The following TMEM101 variants were observed in gnomAD, a reference collection of about 807,000 sequenced individuals.
TMEM101 encodes the protein transmembrane protein 101, also known as putative NF-kappa-B-activating protein 130.
TMEM101 carries 14 observed loss-of-function variants against 26.0 expected under a neutral mutation model. The observed-to-expected ratio is 0.54, with a 90% CI of 0.36 to 0.84. The LOEUF (loss-of-function observed/expected upper bound fraction) is 0.84, where lower values mean the gene tolerates loss of function less well. TMEM101 is among the 40% of genes least tolerant of loss of function. The pLI is 0.01. For synonymous variants in TMEM101, 152 were observed against 145.1 expected (o/e 1.05, Z -0.34); for missense variants, 292 against 345.1 (o/e 0.85, Z 1.22).
chr17:44,016,758 T>C (rs984380936), upstream of TMEM101, among the ~76,000 whole-genome samples: 3 of 152,208 alleles, frequency 2.0e-5, no homozygotes, highest in African/African-American at 4.8e-5. Flanking sequence ...ACTCCAATGC[T>C]GGGAACCATC....
upstream of TMEM101, chr17:44,019,307 G>A: frequency 4.7e-6 from 2 of 421,066 alleles, no homozygotes; most frequent in Non-Finnish European, 4.7e-6. Flanking sequence ...GTCGGACACT[G>A]CACTCACCAG....
At chr17:44,013,922 G>A (rs2049193605) in intron 2 of TMEM101, among the ~76,000 whole-genome samples, 1 of 152,158 alleles carries the variant, frequency 6.6e-6, no homozygotes, top group African/African-American at 2.4e-5. Context: ...CCAGCCTGCA[G>A]GGCCTGGCAC....
In TMEM101 at chr17:44,011,969, C is replaced by T. The variant is rs1434090754; in HGVS notation, c.733G>A (p.Gly245Ser). 8.1e-6 allele frequency: 13 copies of T among 1,613,830 alleles called. No individual in the cohort carries two copies. The highest frequency in any genetic ancestry group is 1.1e-5 in the Non-Finnish European group (13 of 1,179,794). The change falls in exon 4 of 4, where the codon GGC becomes AGC. Residue 245 changes from glycine (G) to serine (S), a missense_variant. By Grantham distance (56) the Gly-to-Ser change is moderately conservative (BLOSUM62 0). Transcript: ENST00000206380. Reference protein sequence around the residue: ...NQMKLLGESVGIFGTAVILAT... With the variant: ...NQMKLLGESVSIFGTAVILAT... ...AGGATGACAGCAGTTCCGAAGATGC[C>T]CACACTCTCTCCAAGGAGCTTCATC...
upstream of TMEM101, chr17:44,019,487 T>C (rs80139504): frequency 5.7e-6 from 1 of 176,584 alleles, no homozygotes; most frequent in Admixed American, 6.3e-5. Flanking sequence ...GGGCCCTTCA[T>C]GACCAGGCTC....
upstream of TMEM101, chr17:44,019,336 C>T (rs1265810993): frequency 1.1e-5 from 5 of 435,646 alleles, no homozygotes; most frequent in Admixed American, 2.5e-5. Flanking sequence ...GGATTCACCA[C>T]CAGACTAGGA....
At chr17:44,015,432 C>T (rs2049220828), upstream of TMEM101, among the ~76,000 whole-genome samples, 3 of 151,584 alleles carry the variant, frequency 2.0e-5, no homozygotes, top group Admixed American at 6.6e-5. Flanking sequence ...CTCACTCTGT[C>T]GCCTAGGCTG....
intron 1 of TMEM101, among the ~76,000 whole-genome samples, chr17:44,022,665 C>G (rs796723573): frequency 6.6e-6 from 1 of 152,226 alleles, no homozygotes; most frequent in African/African-American, 2.4e-5. Context: ...AATTTAGATT[C>G]CCAATTTTCA....
Position 44,011,689 on chromosome 17 carries a change from C to G in TMEM101, c.*239G>C. On this transcript the variant is annotated 3_prime_UTR_variant, in exon 4 of 4. Coordinates refer to ENST00000206380, the MANE Select transcript of TMEM101 (RefSeq NM_032376.4). ...ACTCAGTGGGCAGCTGGCCTCAGCT[C>G]TCCTAACAGGAAAAAAACCTGTACA... The G allele has an allele frequency of 1.9e-6, 1 of 535,538 alleles. No individual in the cohort carries two copies. Among genetic ancestry groups the G allele is most frequent in the Non-Finnish European group, 3.3e-6 (1 of 302,268 alleles). 33.2% of individuals were successfully genotyped at this position (535,538 alleles called of 1,614,324 possible).
At chr17:44,017,388 C>G (rs960894332), upstream of TMEM101, among the ~76,000 whole-genome samples, 1 of 151,026 alleles carries the variant, frequency 6.6e-6, no homozygotes, top group African/African-American at 2.4e-5. Context: ...GTCAGGAGAT[C>G]GAGACCATCC....
Position 44,014,946 on chromosome 17 carries a change from A to G in TMEM101, c.7T>C (p.Ser3Pro), listed in dbSNP as rs2049212089. 4.3e-6 allele frequency: 7 copies of G among 1,611,294 alleles called. No individual in the cohort carries two copies. The highest frequency in any genetic ancestry group is 5.9e-6 in the Non-Finnish European group (7 of 1,178,462). The part of the protein sequence containing the change: MA[S>P]KIGSRRWMLQ... Reference sequence around the variant, plus strand: ...ATCCACCGTCTCGAACCTATCTTCGACGCCATCTTGGGAAAGGGCAGTCCG... The same window carrying G: ...ATCCACCGTCTCGAACCTATCTTCGGCGCCATCTTGGGAAAGGGCAGTCCG... Residue 3 changes from serine to proline, a missense_variant, in exon 1 of 4, where the codon TCG becomes CCG. Coordinates refer to ENST00000206380, the MANE Select transcript of TMEM101 (RefSeq NM_032376.4).
At chr17:44,012,585 A>T (rs1354623495) in intron 3 of TMEM101, 1 of 397,844 alleles carries the variant, frequency 2.5e-6, no homozygotes, top group Non-Finnish European at 4.5e-6. Flanking sequence ...CCATGTCTCC[A>T]GTCACCCTGG....
chr17:44,018,293 C>T (rs182136358), upstream of TMEM101, among the ~76,000 whole-genome samples: 1 of 152,222 alleles, frequency 6.6e-6, no homozygotes, highest in East Asian at 1.9e-4. Context: ...CTACTGCACT[C>T]CACCCTGGGT....
chr17:44,015,886 G>A (rs116444189), upstream of TMEM101, among the ~76,000 whole-genome samples: 87 of 152,196 alleles, frequency 5.7e-4, no homozygotes, highest in African/African-American at 2.0e-3. Flanking sequence ...CTGAACATCT[G>A]GGACATCTCA....
At chr17:44,020,389 T>G (rs1275259736) in intron 2 of TMEM101, among the ~76,000 whole-genome samples, 1 of 152,142 alleles carries the variant, frequency 6.6e-6, no homozygotes, top group East Asian at 1.9e-4. Context: ...AGGGCAAAAA[T>G]AGACTGTTTG....
intron 2 of TMEM101, among the ~76,000 whole-genome samples, chr17:44,013,787 A>G (rs1182983395): frequency 6.6e-6 from 1 of 152,110 alleles, no homozygotes; most frequent in East Asian, 1.9e-4. Context: ...TCTTTATTCT[A>G]CATGGCATGG....
upstream of TMEM101, among the ~76,000 whole-genome samples, chr17:44,016,805 G>C (rs972913340): frequency 2.6e-5 from 4 of 152,080 alleles, no homozygotes; most frequent in African/African-American, 9.7e-5. Context: ...CTAGTATACA[G>C]GATGCCCTCA....
intron 2 of TMEM101, among the ~76,000 whole-genome samples, chr17:44,021,166 T>C (rs1344302737): frequency 6.6e-6 from 1 of 152,224 alleles, no homozygotes; most frequent in Non-Finnish European, 1.5e-5. Flanking sequence ...ATGTTGTTTC[T>C]ATTGGGGTGG....
intron 1 of TMEM101, among the ~76,000 whole-genome samples, chr17:44,021,772 G>C (rs998946383): frequency 6.6e-6 from 1 of 152,200 alleles, no homozygotes; most frequent in Non-Finnish European, 1.5e-5. Context: ...AAGACATCAT[G>C]GTTGAAGCAG....
Position 44,012,139 on chromosome 17 carries a change from C to A in TMEM101, c.563G>T (p.Gly188Val). ...TGACAGAAAGGCCAGGGCCAGGATG[C>A]CATACAGCACGAAGAACAGCTGGAT... Reference protein sequence around the residue: ...LMIQLFFVLYGILALAFLSGY... With the variant: ...LMIQLFFVLYVILALAFLSGY... The change falls in exon 4 of 4, where the codon GGC (glycine) becomes GTC (valine). Residue 188 changes from glycine to valine, a missense_variant. By Grantham distance (109) the Gly-to-Val change is moderately radical. This residue lies in a region of TMEM101 where 149 missense variants were observed against 211.9 expected (regional missense o/e 0.70). Coordinates refer to ENST00000206380, the MANE Select transcript of TMEM101 (RefSeq NM_032376.4). 1 of 1,614,250 alleles carries A rather than the reference C, an allele frequency of 6.2e-7. No homozygotes were observed. The highest frequency in any genetic ancestry group is 1.6e-4 in the Middle Eastern group (1 of 6,062).
Sources: gnomAD v4.1 joint callset for allele counts (sites outside exome capture counted in the v4.1 genomes callset) on GRCh38, gnomAD v4.1.1 for gene constraint, gnomAD v4.1.1 regional missense constraint, MANE v1.5 for transcripts, NCBI Gene and HGNC (gene_info 2026-07-23, HGNC 2026-07-21) for gene names.